The following DLG2 variants were observed in gnomAD, a reference collection of about 807,000 sequenced individuals.
DLG2 encodes disks large homolog 2.
Under a neutral mutation model 132.5 loss-of-function variants are expected in DLG2, and 45 were observed. The ratio of observed to expected loss-of-function variants is 0.34; its 90% confidence interval spans 0.27 to 0.44. The LOEUF is 0.44. Among genes scored for constraint, DLG2 ranks in the 20% least tolerant of loss-of-function variants. DLG2 has a pLI of 1.00. For missense variants in DLG2, 1,045 were observed against 1,196.9 expected (o/e 0.87, Z 1.87); for synonymous variants, 424 against 419.6 (o/e 1.01, Z -0.13).
chr11:85,245,851 G>A (rs1242616452), intron 4 of DLG2, among the ~76,000 whole-genome samples: 5 of 151,776 alleles, frequency 3.3e-5, no homozygotes, highest in Non-Finnish European at 7.4e-5. Flanking sequence ...AATGCATAAG[G>A]CACATTTTGT....
At chr11:83,564,341 G>A (rs908863546) in intron 19 of DLG2, among the ~76,000 whole-genome samples, 1 of 150,928 alleles carries the variant, frequency 6.6e-6, no homozygotes, top group East Asian at 1.9e-4. Flanking sequence ...GCACTGGAAT[G>A]GGGGGGGTCA....
intron 6 of DLG2, among the ~76,000 whole-genome samples, chr11:84,686,079 T>A (rs761715184): frequency 6.6e-6 from 1 of 152,202 alleles, no homozygotes; most frequent in Non-Finnish European, 1.5e-5. Context: ...GAGATCTTCC[T>A]TTAAGAGCAG....
intron 16 of DLG2, among the ~76,000 whole-genome samples, chr11:83,844,265 G>A (rs1464263246): frequency 1.4e-5 from 2 of 147,304 alleles, no homozygotes; most frequent in Non-Finnish European, 1.5e-5. Flanking sequence ...CTGGGGGCCA[G>A]GCGCGGTGGC....
chr11:84,045,703 CAAAATTTATAGAAATTTGTAGAG>C (rs773772555), intron 11 of DLG2, among the ~76,000 whole-genome samples: 10 of 151,302 alleles, frequency 6.6e-5, no homozygotes, highest in African/African-American at 1.2e-4. Flanking sequence ...GGGATACTGC[CAAAATTTATAGAAATTTGTAGAG>C]AAAATTTATA....
At chr11:84,047,346 G>A (rs1047481944) in intron 11 of DLG2, among the ~76,000 whole-genome samples, 2 of 151,476 alleles carry the variant, frequency 1.3e-5, no homozygotes, top group South Asian at 2.1e-4. Flanking sequence ...ATTAGATGCC[G>A]ATACATACCC....
chr11:84,879,408 T>C (rs1487350762), intron 6 of DLG2, among the ~76,000 whole-genome samples: 1 of 152,154 alleles, frequency 6.6e-6, no homozygotes, highest in Non-Finnish European at 1.5e-5. Context: ...TAGCTCAAAA[T>C]GATTTTACAA....
chr11:85,607,844 G>A (rs2080695415), intron 2 of DLG2, among the ~76,000 whole-genome samples: 1 of 152,158 alleles, frequency 6.6e-6, no homozygotes, highest in Non-Finnish European at 1.5e-5. Context: ...CTCCCTCAGG[G>A]TATGGCCCTC....
intron 6 of DLG2, among the ~76,000 whole-genome samples, chr11:84,721,503 G>T (rs1596496583): frequency 6.7e-6 from 1 of 148,588 alleles, no homozygotes; most frequent in African/African-American, 2.5e-5. Context: ...TTGTTTGTTT[G>T]TTTTTTTGTT....
At chr11:83,869,984 T>C (rs2063119706) in intron 16 of DLG2, among the ~76,000 whole-genome samples, 1 of 152,226 alleles carries the variant, frequency 6.6e-6, no homozygotes, top group Non-Finnish European at 1.5e-5. Flanking sequence ...GTTAACAAAA[T>C]GCTTCTAGGT....
intron 6 of DLG2, among the ~76,000 whole-genome samples, chr11:85,083,517 G>A (rs1307893935): frequency 6.6e-6 from 1 of 152,190 alleles, no homozygotes; most frequent in East Asian, 1.9e-4. Flanking sequence ...AAGGTGGTCA[G>A]GCTCCAGCTT....
chr11:84,607,229 A>G (rs1403559714), intron 6 of DLG2, among the ~76,000 whole-genome samples: 1 of 152,158 alleles, frequency 6.6e-6, no homozygotes, highest in Non-Finnish European at 1.5e-5. Flanking sequence ...CAAGTGATTT[A>G]CGATAACTAT....
chr11:84,651,620 T>C (rs1217025468), intron 6 of DLG2, among the ~76,000 whole-genome samples: 1 of 152,168 alleles, frequency 6.6e-6, no homozygotes, highest in Non-Finnish European at 1.5e-5. Context: ...GGTGAAGCCA[T>C]TGGTATTGGA....
At chr11:83,843,098 A>G (rs2057957777) in intron 16 of DLG2, among the ~76,000 whole-genome samples, 1 of 152,314 alleles carries the variant, frequency 6.6e-6, no homozygotes, top group Non-Finnish European at 1.5e-5. Flanking sequence ...AAACTTCTAC[A>G]TAGGCATTCA....
At chr11:83,671,897 T>C (rs1165555477) in intron 18 of DLG2, among the ~76,000 whole-genome samples, 2 of 152,218 alleles carry the variant, frequency 1.3e-5, no homozygotes, top group African/African-American at 4.8e-5. Context: ...TTACCATTTA[T>C]GTTTTGTTTG....
At chr11:84,462,012 G>A (rs2099081615) in intron 7 of DLG2, among the ~76,000 whole-genome samples, 1 of 150,886 alleles carries the variant, frequency 6.6e-6, no homozygotes. Context: ...AAGATCCTTG[G>A]CGAAATGTCA....
chr11:84,937,028 T>C (rs1266337657), intron 6 of DLG2, among the ~76,000 whole-genome samples: 1 of 152,090 alleles, frequency 6.6e-6, no homozygotes, highest in Non-Finnish European at 1.5e-5. Flanking sequence ...GGCAGATGCC[T>C]GTAATCCCAG....
At chr11:84,781,114 AG>A (rs2071696670) in intron 6 of DLG2, among the ~76,000 whole-genome samples, 1 of 150,076 alleles carries the variant, frequency 6.7e-6, no homozygotes, top group Non-Finnish European at 1.5e-5. Flanking sequence ...TTTCAATCTA[AG>A]TTTGGAACTA....
chr11:85,494,255 T>G (rs1461608328), intron 3 of DLG2, among the ~76,000 whole-genome samples: 1 of 152,222 alleles, frequency 6.6e-6, no homozygotes, highest in Admixed American at 6.5e-5. Context: ...TGCTTTAATT[T>G]CCTTTATAAC....
chr11:85,393,629 ATGTGTGTGTGTGTGTGTG>A (rs35765389), intron 3 of DLG2, among the ~76,000 whole-genome samples: 2 of 143,722 alleles, frequency 1.4e-5, no homozygotes, highest in Non-Finnish European at 3.1e-5. Flanking sequence ...TGGTATGCAT[ATGTGTGTGTGTGTGTGTG>A]TGTGTGTGTG....
Sources: gnomAD v4.1 joint callset for allele counts (sites outside exome capture counted in the v4.1 genomes callset) on GRCh38, gnomAD v4.1.1 for gene constraint, MANE v1.5 for transcripts, NCBI Gene and HGNC (gene_info 2026-07-23, HGNC 2026-07-21) for gene names.